The following FBXO7 variants were observed in gnomAD, a reference collection of about 807,000 sequenced individuals.
FBXO7 encodes F-box protein 7.
FBXO7 carries 31 observed loss-of-function variants against 50.2 expected under a neutral mutation model. The observed-to-expected ratio is 0.62, with a 90% CI of 0.46 to 0.83. FBXO7 has a LOEUF of 0.83. FBXO7 is among the 40% of genes least tolerant of loss of function. The pLI is 0.00. For missense variants in FBXO7, 667 were observed against 646.6 expected, an observed-to-expected ratio of 1.03 and a Z score of -0.34; for synonymous variants, 256 against 253.1, an observed-to-expected ratio of 1.01 and a Z score of -0.11.
intron 6 of FBXO7, 178 bp from the exon 7 acceptor site, chr22:32,492,927 A>T: frequency 3.0e-6 from 2 of 670,634 alleles, no homozygotes; most frequent in Admixed American, 2.3e-5. Context: ...AATAGTAATT[A>T]TAGTCAAGCT....
intron 8 of FBXO7, among the ~76,000 whole-genome samples, chr22:32,497,366 C>T (rs2057582077): frequency 6.6e-6 from 1 of 152,146 alleles, no homozygotes; most frequent in Non-Finnish European, 1.5e-5. Context: ...GCCTTTGCAT[C>T]CTCATAGGTT....
At chr22:32,496,287 C>G (rs368590503) in intron 8 of FBXO7, among the ~76,000 whole-genome samples, 11 of 152,164 alleles carry the variant, frequency 7.2e-5, no homozygotes, top group African/African-American at 2.7e-4. Flanking sequence ...TGGAGACCAT[C>G]TTGGCTAACA....
chr22:32,496,151 G>T (rs1428319322), intron 8 of FBXO7, among the ~76,000 whole-genome samples: 1 of 152,222 alleles, frequency 6.6e-6, no homozygotes, highest in Non-Finnish European at 1.5e-5. Flanking sequence ...GCCAGTGCTT[G>T]TTGACCATTC....
chr22:32,491,882 A>C (rs2057539923), intron 6 of FBXO7: 1 of 152,156 alleles, frequency 6.6e-6, no homozygotes, highest in Non-Finnish European at 1.5e-5. Context: ...TCTTACAGTG[A>C]AATTTACTTC....
chr22:32,491,226 A>G, intron 6 of FBXO7, 45 bp downstream of exon 6: 1 of 1,344,636 alleles, frequency 7.4e-7, no homozygotes, highest in Non-Finnish European at 1.1e-6. Flanking sequence ...TGTAAAGAAT[A>G]GTAAGTATAC....
intron 5 of FBXO7, chr22:32,488,036 C>G: frequency 1.9e-6 from 1 of 528,944 alleles, no homozygotes; most frequent in Non-Finnish European, 3.4e-6. Flanking sequence ...TCCTGTTTTT[C>G]TTAGGGTCAT....
At chr22:32,482,374 T>TA (rs1568973568) in intron 2 of FBXO7, among the ~76,000 whole-genome samples, 1 of 152,236 alleles carries the variant, frequency 6.6e-6, no homozygotes, top group African/African-American at 2.4e-5. Flanking sequence ...ACCTTTTACA[T>TA]ATACTGTGTA....
intron 5 of FBXO7, chr22:32,489,384 G>A (rs2057519935): frequency 6.6e-6 from 1 of 152,208 alleles, no homozygotes; most frequent in African/African-American, 2.4e-5. Context: ...TTTATCATGA[G>A]GATCAGAAAA....
rs1568977652 is a variant in FBXO7 at position 32,491,071 on chromosome 22, T to C, written c.872-15T>C. ...TTGATTTTGGGTTTTGATTTTACTT[T>C]AAAAAATATTCTAGGGGAAAATGTA... On this transcript the variant is annotated splice_polypyrimidine_tract_variant and intron_variant, in intron 5 of 8. Transcript: ENST00000266087. 32 of 1,598,998 alleles carry C rather than the reference T, an allele frequency of 2.0e-5. No individual in the cohort carries two copies. The highest frequency in any genetic ancestry group is 2.7e-5 in the Non-Finnish European group (31 of 1,166,806).
intron 5 of FBXO7, chr22:32,488,340 GT>G (rs2057512624): frequency 6.5e-6 from 1 of 153,332 alleles, no homozygotes; most frequent in Non-Finnish European, 1.5e-5. Flanking sequence ...TCTAGGTAAG[GT>G]TTTGCTTAAA....
chr22:32,494,191 A>T (rs1335262412), intron 7 of FBXO7, among the ~76,000 whole-genome samples: 3 of 149,244 alleles, frequency 2.0e-5, no homozygotes, highest in Non-Finnish European at 4.4e-5. Context: ...TCAAAATGTG[A>T]GAAGTGTAAA....
In FBXO7 at chr22:32,498,520, C is replaced by T; in HGVS notation, c.1559C>T (p.Ser520Leu). ...GGTCGGCCAACTGATGGCCGGCTGT[C>T]ATTCATGTGATTGATTTGTAATTTC... Reference protein sequence around the residue: ...SRGRPTDGRLSFM With the variant: ...SRGRPTDGRLLFM Residue 520 changes from serine (S) to leucine (L), a missense_variant, in exon 9 of 9, where the codon TCA becomes TTA. Coordinates refer to ENST00000266087, the MANE Select transcript of FBXO7 (RefSeq NM_012179.4). The T allele has an allele frequency of 2.5e-6, 4 of 1,613,214 alleles. No homozygotes were observed. The highest frequency in any genetic ancestry group is 1.1e-5 in the South Asian group (1 of 91,068).
In FBXO7 at chr22:32,475,064, C is replaced by T. The variant is rs920292109; in HGVS notation, c.62C>T (p.Pro21Leu). 1.9e-6 allele frequency: 3 copies of T among 1,545,916 alleles called. No homozygotes were observed. Among genetic ancestry groups the T allele is most frequent in the Non-Finnish European group, 2.6e-6 (3 of 1,146,082 alleles). The change falls in exon 1 of 9, where the codon CCG becomes CTG. Residue 21 changes from proline to leucine, a missense_variant. Coordinates refer to ENST00000266087, the MANE Select transcript of FBXO7 (RefSeq NM_012179.4). ...TWPLEVPETE[P>L]TLGHLRSHLR... ...CCGCTGGAGGTGCCCGAGACGGAGC[C>T]GACGCTGGGGCATTTGCGCTCGCAC...
At chr22:32,476,211 A>G (rs1009412866) in intron 1 of FBXO7, among the ~76,000 whole-genome samples, 5 of 152,160 alleles carry the variant, frequency 3.3e-5, no homozygotes, top group Non-Finnish European at 7.3e-5. Context: ...GATTAAAAAA[A>G]AAACCCTAAA....
rs1216863499 is a variant in FBXO7, at chr22:32,479,219, A to C, written c.361A>C (p.Ser121Arg). ...GACTAGCATGCAGGATGAACAACCA[A>C]GTGATTCATTCCAAGGACAGGCAGC... Reference protein sequence around the residue: ...NQTSMQDEQPSDSFQGQAAQS... With the variant: ...NQTSMQDEQPRDSFQGQAAQS... The change falls in exon 2 of 9, where the codon AGT becomes CGT. Residue 121 changes from serine (S) to arginine (R), a missense_variant. Physicochemically the swap from Ser to Arg is moderately radical, Grantham distance 110. Coordinates refer to ENST00000266087, the MANE Select transcript of FBXO7 (RefSeq NM_012179.4). 1 of 1,613,966 alleles carries C rather than the reference A, an allele frequency of 6.2e-7. No homozygotes were observed. The highest frequency in any genetic ancestry group is 8.5e-7 in the Non-Finnish European group (1 of 1,180,008).
At chr22:32,488,741 A>G in intron 5 of FBXO7, 1 of 152,208 alleles carries the variant, frequency 6.6e-6, no homozygotes, top group East Asian at 1.9e-4. Flanking sequence ...ACTGACAGGA[A>G]AAGGAGATAG....
chr22:32,483,842 G>T, intron 2 of FBXO7, 55 bp from the exon 3 acceptor site: 1 of 1,510,436 alleles, frequency 6.6e-7, no homozygotes, highest in Non-Finnish European at 9.2e-7. Flanking sequence ...ATACAAAAAT[G>T]TATAGTGTAA....
chr22:32,485,361 T>C (rs1248274959), intron 4 of FBXO7, 152 bp downstream of exon 4: 8 of 1,032,066 alleles, frequency 7.8e-6, no homozygotes, highest in Non-Finnish European at 1.2e-5. Flanking sequence ...ATAACATGTG[T>C]CTGGAAGATC....
chr22:32,480,081 C>T (rs2057454921), intron 2 of FBXO7, among the ~76,000 whole-genome samples: 1 of 152,140 alleles, frequency 6.6e-6, no homozygotes, highest in Admixed American at 6.5e-5. Flanking sequence ...CATTAATAAG[C>T]TTTGTCAGTT....
Sources: gnomAD v4.1 joint callset for allele counts (sites outside exome capture counted in the v4.1 genomes callset) on GRCh38, gnomAD v4.1.1 for gene constraint, MANE v1.5 for transcripts, NCBI Gene and HGNC (gene_info 2026-07-23, HGNC 2026-07-21) for gene names.